Variants in TIAM1 observed in about 807,000 individuals in gnomAD.
TIAM1 encodes the protein TIAM Rac1 associated GEF 1, also known as rho guanine nucleotide exchange factor TIAM1.
TIAM1 carries 65 observed loss-of-function variants against 163.5 expected under a neutral mutation model. The observed-to-expected ratio is 0.40, with a 90% confidence interval of 0.33 to 0.49. The LOEUF is 0.49. Ranked by LOEUF, TIAM1 falls within the 20% of genes least tolerant of loss-of-function variation. TIAM1 has a pLI of 0.77. For synonymous variants in TIAM1, 833 were observed against 810.1 expected (o/e 1.03, Z -0.48); for missense variants, 1,789 against 2,044.7 (o/e 0.87, Z 2.41).
intron 19 of TIAM1, among the ~76,000 whole-genome samples, chr21:31,148,688 G>A (rs2083243840): frequency 1.3e-5 from 2 of 152,136 alleles, no homozygotes; most frequent in African/African-American, 2.4e-5. Context: ...AAACACTAAG[G>A]TATTCACTTA....
intron 16 of TIAM1, among the ~76,000 whole-genome samples, chr21:31,156,100 C>T (rs1476987597): frequency 6.6e-6 from 1 of 152,122 alleles, no homozygotes; most frequent in African/African-American, 2.4e-5. Context: ...AAGAGCCTTT[C>T]CCTCATTAGC....
At chr21:31,338,242 A>G (rs1017228303) in intron 2 of TIAM1, among the ~76,000 whole-genome samples, 21 of 152,198 alleles carry the variant, frequency 1.4e-4, no homozygotes, top group African/African-American at 4.8e-4. Context: ...AGGACCCGGA[A>G]TGCAGGGTGG....
chr21:31,240,130 C>T (rs897416336), intron 6 of TIAM1, among the ~76,000 whole-genome samples: 5 of 152,092 alleles, frequency 3.3e-5, no homozygotes, highest in Admixed American at 6.5e-5. Flanking sequence ...GGACTGTCCT[C>T]GCTTATACCT....
chr21:31,359,279 T>G (rs1280830842), intron 2 of TIAM1, among the ~76,000 whole-genome samples: 1 of 152,202 alleles, frequency 6.6e-6, no homozygotes, highest in African/African-American at 2.4e-5. Context: ...AATTATTTAT[T>G]TTTTAATAGT....
At chr21:31,128,902 T>A (rs2082307811) in intron 25 of TIAM1, among the ~76,000 whole-genome samples, 1 of 152,174 alleles carries the variant, frequency 6.6e-6, no homozygotes, top group African/African-American at 2.4e-5. Context: ...CCTCATGACG[T>A]TGGACTAGGG....
intron 1 of TIAM1, among the ~76,000 whole-genome samples, chr21:31,521,482 T>C (rs1254156007): frequency 4.6e-5 from 7 of 152,124 alleles, no homozygotes; most frequent in African/African-American, 7.2e-5. Flanking sequence ...ACACCTGTAA[T>C]CCCAGTGATT....
At chr21:31,162,403 A>C (rs76481328) in intron 16 of TIAM1, among the ~76,000 whole-genome samples, 291 of 152,254 alleles carry the variant, frequency 1.9e-3, no homozygotes, top group Non-Finnish European at 3.8e-3. Flanking sequence ...CAAATACCCT[A>C]AGTGAGAAAT....
chr21:31,214,293 C>A, intron 9 of TIAM1, among the ~76,000 whole-genome samples: 1 of 150,728 alleles, frequency 6.6e-6, no homozygotes, highest in Non-Finnish European at 1.5e-5. Context: ...CTACTGTACT[C>A]CAGCCTGGGC....
chr21:31,220,147 G>A (rs1015205578), intron 8 of TIAM1, among the ~76,000 whole-genome samples: 5 of 152,218 alleles, frequency 3.3e-5, no homozygotes, highest in South Asian at 2.1e-4. Flanking sequence ...AAAATACGTC[G>A]ACATATATTA....
chr21:31,220,569 A>G lies in TIAM1; in HGVS notation c.1995+2837T>C, dbSNP rs145651741. On this transcript the variant is annotated intron_variant, in intron 8 of 27. Transcript: ENST00000541036. ...CAGACAAAGACAGCATGAAAGAGAA[A>G]TTCATACACCCATAAATATTCTCAG... Among the ~76,000 whole-genome samples the G allele has an allele frequency of 6.8e-3, 1,038 of 152,352 alleles. 5 individuals are homozygous for G. The highest frequency in any genetic ancestry group is 0.024 in the African/African-American group (988 of 41,578).
chr21:31,131,787 G>A (rs985901966), intron 23 of TIAM1, among the ~76,000 whole-genome samples: 3 of 152,208 alleles, frequency 2.0e-5, no homozygotes, highest in African/African-American at 7.2e-5. Flanking sequence ...GGTTTCAGGA[G>A]GTGGGCCTTT....
At chr21:31,342,552 A>G (rs1279394141) in intron 1 of TIAM1, among the ~76,000 whole-genome samples, 1 of 152,368 alleles carries the variant, frequency 6.6e-6, no homozygotes, top group Non-Finnish European at 1.5e-5. Context: ...TTATTGTTCC[A>G]TAAAACTCCG....
chr21:31,443,139 C>G (rs2044497109), intron 2 of TIAM1, among the ~76,000 whole-genome samples: 1 of 152,102 alleles, frequency 6.6e-6, no homozygotes, highest in African/African-American at 2.4e-5. Flanking sequence ...TCTGAAAAAA[C>G]AAAGGGAAAA....
At chr21:31,453,239 C>A in intron 2 of TIAM1, 1 of 248,810 alleles carries the variant, frequency 4.0e-6, no homozygotes, top group Non-Finnish European at 8.3e-6. Context: ...TTGCTTTTTG[C>A]AATACAGCTG....
At chr21:31,363,156 C>T (rs1414192) in intron 2 of TIAM1, among the ~76,000 whole-genome samples, 31,096 of 151,918 alleles carry the variant, frequency 0.2, 3,265 homozygotes, top group Middle Eastern at 0.32. Flanking sequence ...TTTAAAACTG[C>T]GGACGTCAGC....
chr21:31,275,684 G>T (rs1175610544), intron 3 of TIAM1, among the ~76,000 whole-genome samples: 1 of 152,078 alleles, frequency 6.6e-6, no homozygotes, highest in Non-Finnish European at 1.5e-5. Context: ...GGAAGTTTTC[G>T]TCTAGCTCTT....
At chr21:31,149,005 C>T (rs2083264893) in intron 19 of TIAM1, among the ~76,000 whole-genome samples, 2 of 149,118 alleles carry the variant, frequency 1.3e-5, no homozygotes, top group South Asian at 4.2e-4. Context: ...TTAAAAAGAG[C>T]AGCAATTGTG....
At chr21:31,161,079 T>TGTGTG (rs1568944098) in intron 16 of TIAM1, among the ~76,000 whole-genome samples, 3 of 106,802 alleles carry the variant, frequency 2.8e-5, no homozygotes, top group South Asian at 3.3e-4. Context: ...GTGTGTGTGT[T>TGTGTG]TAACAGTTGA....
intron 1 of TIAM1, among the ~76,000 whole-genome samples, chr21:31,484,846 G>A (rs2046221514): frequency 6.6e-6 from 1 of 152,194 alleles, no homozygotes; most frequent in African/African-American, 2.4e-5. Flanking sequence ...GGTATCAGGA[G>A]GTGGGGCCTT....
Sources: gnomAD v4.1 joint callset for allele counts (sites outside exome capture counted in the v4.1 genomes callset) on GRCh38, gnomAD v4.1.1 for gene constraint, MANE v1.5 for transcripts, NCBI Gene and HGNC (gene_info 2026-07-23, HGNC 2026-07-21) for gene names.